Variants in PLXDC1 observed in about 807,000 individuals in gnomAD.
PLXDC1 encodes the protein plexin domain-containing protein 1.
PLXDC1 carries 39 observed loss-of-function variants against 61.3 expected under a neutral mutation model. That is an observed-to-expected ratio of 0.64 (90% CI 0.49 to 0.83). PLXDC1 has a LOEUF of 0.83. Among genes scored for constraint, PLXDC1 ranks in the 40% least tolerant of loss-of-function variants. The pLI is 0.00. For missense variants in PLXDC1, 596 were observed against 666.5 expected (o/e 0.89, Z 1.17); for synonymous variants, 212 against 254.5 (o/e 0.83, Z 1.59).
chr17:39,086,351 T>A (rs1230331124), intron 8 of PLXDC1, among the ~76,000 whole-genome samples: 1 of 152,122 alleles, frequency 6.6e-6, no homozygotes, highest in Non-Finnish European at 1.5e-5. Context: ...GAGTCCTTTC[T>A]GTTGTCCAGG....
intron 7 of PLXDC1, among the ~76,000 whole-genome samples, chr17:39,092,514 G>A (rs1317263547): frequency 1.3e-5 from 2 of 152,378 alleles, no homozygotes; most frequent in East Asian, 1.9e-4. Context: ...CCTGCTCTGT[G>A]CAGGGGCTGT....
intron 1 of PLXDC1, among the ~76,000 whole-genome samples, chr17:39,146,948 A>ATTTTTTTTTTTTTTTTT (rs869300584): frequency 4.0e-5 from 3 of 74,696 alleles, no homozygotes; most frequent in African/African-American, 1.6e-4. Context: ...ACAGGAAATG[A>ATTTTTTTTTTTTTTTTT]TTTTTTTTTT....
intron 2 of PLXDC1, 103 bp from the exon 3 acceptor site, chr17:39,109,494 C>G (rs1224017953): frequency 5.8e-6 from 8 of 1,382,688 alleles, no homozygotes; most frequent in Non-Finnish European, 7.9e-6. Context: ...CAGGAAGTCA[C>G]CACCCTCCCA....
chr17:39,139,461 A>C (rs571844525), intron 2 of PLXDC1, among the ~76,000 whole-genome samples, 193 bp downstream of exon 2: 9 of 152,192 alleles, frequency 5.9e-5, no homozygotes, highest in African/African-American at 2.2e-4. Flanking sequence ...TGAAACGCTG[A>C]GATGCTGTGA....
rs116742820 is a variant in PLXDC1 at position 39,108,815 on chromosome 17, C to A, written c.469+89G>T. ...GTGCCTTCCTCCCATTTCATATAAC[C>A]CTGTCTCCAGTGAGCCACCCCTGGG... On this transcript the variant is annotated intron_variant, in intron 4 of 13. Coordinates refer to ENST00000315392, the MANE Select transcript of PLXDC1 (RefSeq NM_020405.5). 3,191 of 827,318 alleles carry A rather than the reference C, an allele frequency of 3.9e-3. 73 individuals are homozygous for A. The African/African-American group carries it at 0.046, about 12-fold the overall frequency. 51.2% of individuals were successfully genotyped at this position (827,318 alleles called of 1,614,324 possible).
At chr17:39,149,781 G>A (rs1644984377) in intron 1 of PLXDC1, among the ~76,000 whole-genome samples, 1 of 151,936 alleles carries the variant, frequency 6.6e-6, no homozygotes, top group Admixed American at 6.6e-5. Flanking sequence ...AGCCCTCTCC[G>A]TGGTTCACAC....
At chr17:39,084,455 A>G (rs984469387) in intron 8 of PLXDC1, among the ~76,000 whole-genome samples, 2 of 152,220 alleles carry the variant, frequency 1.3e-5, no homozygotes, top group African/African-American at 2.4e-5. Flanking sequence ...TGAAATATGT[A>G]CAATAAAAGT....
intron 13 of PLXDC1, 53 bp downstream of exon 13, chr17:39,069,803 G>C: frequency 2.7e-6 from 4 of 1,466,288 alleles, no homozygotes; most frequent in Non-Finnish European, 3.8e-6. Flanking sequence ...AATGGCCCAG[G>C]AGACGCCGAC....
intron 1 of PLXDC1, among the ~76,000 whole-genome samples, chr17:39,148,174 G>T (rs1438076925): frequency 6.6e-6 from 1 of 152,068 alleles, no homozygotes; most frequent in Non-Finnish European, 1.5e-5. Context: ...GTCTCAGGTT[G>T]TTGGAGCCCT....
At chr17:39,132,250 T>C (rs1255736682) in intron 2 of PLXDC1, among the ~76,000 whole-genome samples, 1 of 152,152 alleles carries the variant, frequency 6.6e-6, no homozygotes, top group Non-Finnish European at 1.5e-5. Context: ...AGACCTCCCC[T>C]TTCCAGCCTC....
intron 2 of PLXDC1, among the ~76,000 whole-genome samples, chr17:39,124,349 A>G (rs923844434): frequency 7.2e-5 from 11 of 152,216 alleles, no homozygotes; most frequent in Middle Eastern, 3.2e-3. Flanking sequence ...TCCCAATACT[A>G]TGAGAGGCAA....
intron 2 of PLXDC1, among the ~76,000 whole-genome samples, chr17:39,128,222 T>C (rs1244979621): frequency 1.3e-5 from 2 of 149,108 alleles, no homozygotes; most frequent in African/African-American, 2.5e-5. Flanking sequence ...TGTGTGTATA[T>C]ATATATTTTT....
In PLXDC1 at chr17:39,127,243, G is replaced by A. The variant is rs60082381; in HGVS notation, c.255+12411C>T. 5.6e-3 allele frequency among the ~76,000 whole-genome samples: 847 copies of A among 152,182 alleles called. 2 individuals carry two copies. The highest frequency in any genetic ancestry group is 0.012 in the African/African-American group (512 of 41,532). On this transcript the variant is annotated intron_variant, in intron 2 of 13. Coordinates refer to ENST00000315392, the MANE Select transcript of PLXDC1 (RefSeq NM_020405.5). The stretch of plus-strand genomic sequence containing the variant: ...GTTAAGGCCCAGCAAGGATACGCAC[G>A]GTCTACCTCATCTGGGACCTGAGGA...
chr17:39,097,743 A>T (rs986055047), intron 7 of PLXDC1, among the ~76,000 whole-genome samples: 1 of 151,046 alleles, frequency 6.6e-6, no homozygotes, highest in South Asian at 2.1e-4. Context: ...TAAATAAATA[A>T]ATAAATAAAT....
At chr17:39,069,313 C>G (rs1909020307) in intron 13 of PLXDC1, among the ~76,000 whole-genome samples, 1 of 152,072 alleles carries the variant, frequency 6.6e-6, no homozygotes, top group African/African-American at 2.4e-5. Context: ...ACTCTGTTGC[C>G]CAGGCTAGTC....
At chr17:39,099,740 A>G (rs1910353276) in intron 7 of PLXDC1, among the ~76,000 whole-genome samples, 1 of 152,162 alleles carries the variant, frequency 6.6e-6, no homozygotes, top group Non-Finnish European at 1.5e-5. Context: ...TCATTTAGAA[A>G]GGGACAAATG....
Position 39,069,921 on chromosome 17 carries a change from T to C in PLXDC1, c.1318A>G (p.Ile440Val). 6.2e-7 allele frequency: 1 copy of C among 1,613,860 alleles called. No individual in the cohort carries two copies. Reference protein sequence around the residue: ...IVLAVLLVAAIILAGIYINGH... With the variant: ...IVLAVLLVAAVILAGIYINGH... ...TTGATGTAAATTCCAGCCAGGATGATGGCCGCCACGAGGAGGACTGCCAGC... is the reference window on the plus strand; with the variant it reads ...TTGATGTAAATTCCAGCCAGGATGACGGCCGCCACGAGGAGGACTGCCAGC... The change falls in exon 13 of 14, where the codon ATC becomes GTC. Residue 440 changes from isoleucine to valine, a missense_variant. Transcript: ENST00000315392.
In PLXDC1 at chr17:39,091,412, C is replaced by T. The variant is rs574299654; in HGVS notation, c.812-3710G>A. 5.9e-5 allele frequency among the ~76,000 whole-genome samples: 9 copies of T among 152,278 alleles called. No homozygotes were observed. In the East Asian group the frequency reaches 9.7e-4, roughly 16 times the overall value. On this transcript the variant is annotated intron_variant, in intron 7 of 13. Transcript: ENST00000315392. ...GGATGACAGCTCCAGCCCTGCAGCTCCTTCCTTCGCCCGACTCCTGCACTG... is the reference window on the plus strand; with the variant it reads ...GGATGACAGCTCCAGCCCTGCAGCTTCTTCCTTCGCCCGACTCCTGCACTG...
intron 6 of PLXDC1, 99 bp from the exon 7 acceptor site, chr17:39,106,052 A>C (rs1598199108): frequency 1.4e-6 from 1 of 734,712 alleles, no homozygotes; most frequent in Non-Finnish European, 2.2e-6. Flanking sequence ...GGATGGCACC[A>C]CCTCCTGGAG....
Sources: allele counts gnomAD v4.1 joint callset (sites outside exome capture counted in the v4.1 genomes callset), GRCh38; gene constraint gnomAD v4.1.1; transcripts MANE v1.5; gene names NCBI Gene and HGNC (gene_info 2026-07-23, HGNC 2026-07-21).